The following PDE1C variants were observed in gnomAD, a reference collection of about 807,000 sequenced individuals.
PDE1C encodes dual specificity calcium/calmodulin-dependent 3',5'-cyclic nucleotide phosphodiesterase 1C.
In PDE1C, 62 loss-of-function variants were observed where a neutral mutation model predicts 93.1. That is an observed-to-expected ratio of 0.67 (90% CI 0.54 to 0.82). The LOEUF is 0.82. Among genes scored for constraint, PDE1C ranks in the 40% least tolerant of loss-of-function variants. The pLI, the probability that PDE1C is intolerant of heterozygous loss-of-function variation, is 0.00. For synonymous variants in PDE1C, 325 were observed against 310.1 expected, an observed-to-expected ratio of 1.05 and a Z score of -0.50; for missense variants, 742 against 884.6, an observed-to-expected ratio of 0.84 and a Z score of 2.04.
intron 7 of PDE1C, chr7:31,850,958 A>C (rs528089459): frequency 2.0e-6 from 1 of 493,910 alleles, no homozygotes; most frequent in African/African-American, 1.9e-5. Context: ...GAATAAGCTA[A>C]GTAGTAGTTT....
At chr7:31,891,840 G>A (rs1360212017) in intron 2 of PDE1C, among the ~76,000 whole-genome samples, 1 of 147,196 alleles carries the variant, frequency 6.8e-6, no homozygotes, top group Non-Finnish European at 1.5e-5. Flanking sequence ...ACACACACAC[G>A]TGAGTACAAT....
chr7:32,162,244 C>T (rs559725279), intron 3 of PDE1C, among the ~76,000 whole-genome samples: 1 of 152,126 alleles, frequency 6.6e-6, no homozygotes, highest in Non-Finnish European at 1.5e-5. Context: ...CCCACTAGAG[C>T]CCATAGGGAA....
At position 32,394,848 on chromosome 7, in the gene PDE1C, C is replaced by T. The variant is rs79538231; in HGVS notation, c.310+32974G>A. Among the ~76,000 whole-genome samples, 995 of 152,196 alleles carry T rather than the reference C, an allele frequency of 6.5e-3. 17 individuals carry two copies. The highest frequency in any genetic ancestry group is 0.023 in the African/African-American group (947 of 41,528). On this transcript the variant is annotated intron_variant, in intron 1 of 1. Transcript: ENST00000672256. Reference sequence around the variant, plus strand: ...TCTAAATAAATAAAAGAGTCTGGAACCTTCCTCCCTTTTCTCTCTCTCTCT... The same window carrying T: ...TCTAAATAAATAAAAGAGTCTGGAATCTTCCTCCCTTTTCTCTCTCTCTCT...
intron 11 of PDE1C, among the ~76,000 whole-genome samples, chr7:31,833,194 A>G (rs1790642850): frequency 6.6e-6 from 1 of 152,188 alleles, no homozygotes; most frequent in Admixed American, 6.5e-5. Flanking sequence ...CTGCCATGTA[A>G]GACATCCCTT....
At chr7:32,216,607 T>C (rs1806451756) in intron 1 of PDE1C, among the ~76,000 whole-genome samples, 1 of 152,182 alleles carries the variant, frequency 6.6e-6, no homozygotes. Context: ...TGAATATCCA[T>C]TCAGATCTTC....
intron 3 of PDE1C, among the ~76,000 whole-genome samples, chr7:32,098,936 A>T (rs895829332): frequency 3.3e-5 from 5 of 152,240 alleles, no homozygotes; most frequent in Admixed American, 2.6e-4. Flanking sequence ...CTGAAGATGG[A>T]TAGAGGTGAT....
chr7:31,733,438 A>G, the PDE1C span, among the ~76,000 whole-genome samples: 3 of 152,278 alleles, frequency 2.0e-5, no homozygotes, highest in African/African-American at 7.2e-5. Context: ...TATTTATCTC[A>G]TAGGCAGAGA....
chr7:32,238,624 G>T (rs1808314768), intron 1 of PDE1C, among the ~76,000 whole-genome samples: 1 of 152,150 alleles, frequency 6.6e-6, no homozygotes, highest in Non-Finnish European at 1.5e-5. Flanking sequence ...TGGGAGGAAG[G>T]ATAATGTTCA....
At chr7:32,224,281 G>C (rs1018824068) in intron 1 of PDE1C, among the ~76,000 whole-genome samples, 2 of 152,168 alleles carry the variant, frequency 1.3e-5, no homozygotes, top group Non-Finnish European at 2.9e-5. Flanking sequence ...GCTGAGGCAG[G>C]AGGATCGCTT....
chr7:31,970,659 T>C (rs973042954), intron 2 of PDE1C, among the ~76,000 whole-genome samples: 2 of 152,250 alleles, frequency 1.3e-5, no homozygotes, highest in African/African-American at 4.8e-5. Flanking sequence ...CTTGGCTCCC[T>C]GCATTGAATT....
chr7:32,282,337 G>A (rs1253214923), intron 1 of PDE1C, among the ~76,000 whole-genome samples: 4 of 151,526 alleles, frequency 2.6e-5, no homozygotes, highest in African/African-American at 4.8e-5. Context: ...TTAGCCGGGC[G>A]TGGTGGCACC....
At chr7:32,101,878 A>G (rs1378461517) in intron 3 of PDE1C, among the ~76,000 whole-genome samples, 1 of 152,194 alleles carries the variant, frequency 6.6e-6, no homozygotes, top group Non-Finnish European at 1.5e-5. Context: ...CAGGAAAGTT[A>G]CAATCATGAT....
intron 2 of PDE1C, among the ~76,000 whole-genome samples, chr7:31,995,213 A>G (rs1784573544): frequency 6.6e-6 from 1 of 152,152 alleles, no homozygotes; most frequent in Admixed American, 6.6e-5. Context: ...CTATAGGTGT[A>G]GCTACTGCCC....
chr7:32,094,270 C>T (rs574531899), intron 3 of PDE1C, among the ~76,000 whole-genome samples: 57 of 152,274 alleles, frequency 3.7e-4, no homozygotes, highest in African/African-American at 1.3e-3. Context: ...GCTGTCCTCT[C>T]CAGAGCTGCC....
At chr7:31,650,732 A>C in the PDE1C span, among the ~76,000 whole-genome samples, 2 of 152,214 alleles carry the variant, frequency 1.3e-5, no homozygotes, top group African/African-American at 4.8e-5. Context: ...GATGTGTTCA[A>C]TGTTATTGAT....
intron 2 of PDE1C, among the ~76,000 whole-genome samples, chr7:31,972,676 G>A (rs2129050245): frequency 6.6e-6 from 1 of 152,260 alleles, no homozygotes; most frequent in Admixed American, 6.5e-5. Flanking sequence ...TCTGAAAGGT[G>A]AAAGAAGAAC....
chr7:32,028,120 C>T (rs1789743843), intron 2 of PDE1C, among the ~76,000 whole-genome samples: 1 of 152,084 alleles, frequency 6.6e-6, no homozygotes, highest in Non-Finnish European at 1.5e-5. Context: ...TCTAAGTAGT[C>T]ATGTTTTATA....
chr7:31,948,933 C>A (rs1806988439), intron 2 of PDE1C, among the ~76,000 whole-genome samples: 1 of 152,066 alleles, frequency 6.6e-6, no homozygotes, highest in Non-Finnish European at 1.5e-5. Context: ...TTACAGTAAT[C>A]CTAACTTTAT....
At chr7:32,387,456 C>T (rs1784652402) in intron 1 of PDE1C, among the ~76,000 whole-genome samples, 1 of 151,626 alleles carries the variant, frequency 6.6e-6, no homozygotes, top group Non-Finnish European at 1.5e-5. Flanking sequence ...GGCGGCCGGG[C>T]AGAAGCGCCC....
Sources: gnomAD v4.1 joint callset for allele counts (sites outside exome capture counted in the v4.1 genomes callset) on GRCh38, gnomAD v4.1.1 for gene constraint, MANE v1.5 for transcripts, NCBI Gene and HGNC (gene_info 2026-07-23, HGNC 2026-07-21) for gene names.